The following GABRR2 variants were observed in gnomAD, a reference collection of about 807,000 sequenced individuals.
GABRR2 encodes the protein gamma-aminobutyric acid type A receptor subunit rho2.
Under a neutral mutation model 47.0 loss-of-function variants are expected in GABRR2, and 36 were observed. The observed-to-expected ratio is 0.77, with a 90% CI of 0.59 to 1.01. GABRR2 has a LOEUF of 1.01. GABRR2 is among the 50% of genes least tolerant of loss of function. GABRR2 has a pLI of 0.00. For missense variants in GABRR2, 587 were observed against 594.6 expected, an observed-to-expected ratio of 0.99 and a Z score of 0.13; for synonymous variants, 204 against 227.5, an observed-to-expected ratio of 0.90 and a Z score of 0.93.
chr6:89,302,704 C>T (rs1767477644), intron 1 of GABRR2: 1 of 1,345,806 alleles, frequency 7.4e-7, no homozygotes, highest in South Asian at 1.2e-5. Flanking sequence ...CTGGCAGTGG[C>T]CACCGTGTTC....
At chr6:89,267,229 G>A (rs1288244471) in intron 6 of GABRR2, among the ~76,000 whole-genome samples, 1 of 151,994 alleles carries the variant, frequency 6.6e-6, no homozygotes, top group Non-Finnish European at 1.5e-5. Context: ...CGAACTCCTG[G>A]TAGGTAGAAG....
intron 2 of GABRR2, among the ~76,000 whole-genome samples, chr6:89,273,020 T>C (rs1774087786): frequency 6.6e-6 from 1 of 152,224 alleles, no homozygotes. Context: ...TTTCCTGTTT[T>C]GGCTGAGCCT....
intron 7 of GABRR2, among the ~76,000 whole-genome samples, chr6:89,265,185 G>A (rs375921428): frequency 2.9e-3 from 443 of 152,216 alleles, no homozygotes; most frequent in Non-Finnish European, 5.5e-3. Context: ...AACACAGCTC[G>A]AGGGAACGTG....
chr6:89,279,354 A>C (rs756236039), intron 2 of GABRR2, among the ~76,000 whole-genome samples: 6 of 152,106 alleles, frequency 3.9e-5, no homozygotes, highest in Admixed American at 6.5e-5. Flanking sequence ...CTGAAACTGC[A>C]TATAAAAAAA....
At chr6:89,301,570 T>C (rs1298009844) in intron 1 of GABRR2, among the ~76,000 whole-genome samples, 1 of 151,992 alleles carries the variant, frequency 6.6e-6, no homozygotes, top group African/African-American at 2.4e-5. Flanking sequence ...CATTCCTATA[T>C]GCCAACAATG....
At chr6:89,295,040 T>C (rs926024176) in intron 2 of GABRR2, among the ~76,000 whole-genome samples, 4 of 152,132 alleles carry the variant, frequency 2.6e-5, no homozygotes, top group Admixed American at 2.6e-4. Flanking sequence ...CAGTCTATCA[T>C]TGATGGACAT....
intron 2 of GABRR2, among the ~76,000 whole-genome samples, chr6:89,281,393 C>A (rs1774253371): frequency 6.6e-6 from 1 of 152,278 alleles, no homozygotes; most frequent in African/African-American, 2.4e-5. Context: ...TGAATTTAGG[C>A]CACAGGCACT....
chr6:89,271,773 G>A, intron 2 of GABRR2, 51 bp from the exon 3 acceptor site: 1 of 1,536,906 alleles, frequency 6.5e-7, no homozygotes, highest in African/African-American at 1.4e-5. Flanking sequence ...TCTACCTTTG[G>A]GCTGGGAACA....
chr6:89,290,620 G>C (rs755171431), intron 2 of GABRR2, among the ~76,000 whole-genome samples: 6 of 152,226 alleles, frequency 3.9e-5, no homozygotes, highest in Non-Finnish European at 8.8e-5. Context: ...TGGGGCCCGA[G>C]CAGGGCCCCT....
chr6:89,298,960 C>T (rs1166492392), intron 2 of GABRR2, among the ~76,000 whole-genome samples: 1 of 152,148 alleles, frequency 6.6e-6, no homozygotes, highest in African/African-American at 2.4e-5. Flanking sequence ...AAAGTGGGCC[C>T]TCAGCACACA....
At chr6:89,286,355 ATAAC>A (rs930734399) in intron 2 of GABRR2, among the ~76,000 whole-genome samples, 9 of 152,176 alleles carry the variant, frequency 5.9e-5, no homozygotes, top group East Asian at 1.9e-4. Context: ...CAATGTGACT[ATAAC>A]TAACAACACT....
rs1773840214 is a variant in GABRR2, at chr6:89,264,579, T to C, written c.919A>G (p.Ile307Val). 6 of 1,614,064 alleles carry C rather than the reference T, an allele frequency of 3.7e-6. No homozygotes were observed. In the South Asian group the frequency reaches 4.4e-5, roughly 12 times the overall value. ...GITTVLTMTT[I>V]ITGVNASMPR... ...ATGGAGGCATTCACGCCCGTGATGA[T>C]GGTGGTCATGGTCAGCACCGTCGTG... Residue 307 changes from isoleucine (I) to valine (V), a missense_variant, in exon 8 of 9, where the codon ATC becomes GTC. Physicochemically the swap from Ile to Val is conservative, Grantham distance 29. Coordinates refer to ENST00000402938, the MANE Select transcript of GABRR2 (RefSeq NM_002043.5).
At chr6:89,300,562 C>A (rs1426090217) in intron 1 of GABRR2, among the ~76,000 whole-genome samples, 2 of 151,660 alleles carry the variant, frequency 1.3e-5, no homozygotes, top group African/African-American at 2.4e-5. Context: ...ATACAAATAA[C>A]CATCAGAGAC....
At chr6:89,310,369 G>A (rs957090186) in intron 1 of GABRR2, among the ~76,000 whole-genome samples, 1 of 151,974 alleles carries the variant, frequency 6.6e-6, no homozygotes, top group Non-Finnish European at 1.5e-5. Flanking sequence ...CAGAAACTGT[G>A]TCTTTCAGAA....
At chr6:89,294,243 C>G (rs1774518744) in intron 2 of GABRR2, among the ~76,000 whole-genome samples, 1 of 152,122 alleles carries the variant, frequency 6.6e-6, no homozygotes, top group South Asian at 2.1e-4. Flanking sequence ...CTCCTGAGTT[C>G]AAGCAATTAT....
In GABRR2 at chr6:89,259,189, C is replaced by T. The variant is rs117382410; in HGVS notation, c.1087-1208G>A. ...AGGCCCACTTGACACATCCAATTGGCGTTGATTTGAATATGTTTCTGACCT... is the reference window on the plus strand; with the variant it reads ...AGGCCCACTTGACACATCCAATTGGTGTTGATTTGAATATGTTTCTGACCT... On this transcript the variant is annotated intron_variant, in intron 8 of 8. Transcript: ENST00000402938. 5.5e-3 allele frequency among the ~76,000 whole-genome samples: 832 copies of T among 152,032 alleles called. 4 individuals are homozygous for T. The highest frequency in any genetic ancestry group is 6.3e-3 in the Non-Finnish European group (427 of 67,964).
intron 2 of GABRR2, among the ~76,000 whole-genome samples, chr6:89,292,795 CG>C (rs1183759907): frequency 2.1e-4 from 4 of 19,250 alleles, no homozygotes; most frequent in African/African-American, 1.8e-3. Context: ...TACGATATAT[CG>C]TATATATCGT....
intron 1 of GABRR2, chr6:89,302,619 G>A (rs779348054): frequency 5.1e-5 from 63 of 1,236,924 alleles, no homozygotes; most frequent in Non-Finnish European, 6.4e-5. Context: ...GGCCCTGACC[G>A]TGCCCGAGCT....
intron 1 of GABRR2, among the ~76,000 whole-genome samples, chr6:89,308,795 G>C (rs1309225972): frequency 6.6e-6 from 1 of 152,150 alleles, no homozygotes; most frequent in Non-Finnish European, 1.5e-5. Context: ...CCAATTCCTA[G>C]ACTCAAATTG....
Sources: gnomAD v4.1 joint callset for allele counts (sites outside exome capture counted in the v4.1 genomes callset) on GRCh38, gnomAD v4.1.1 for gene constraint, MANE v1.5 for transcripts, NCBI Gene and HGNC (gene_info 2026-07-23, HGNC 2026-07-21) for gene names.